The following FMNL1 variants were observed in gnomAD, a reference collection of about 807,000 sequenced individuals.
FMNL1 encodes formin-like protein 1.
In FMNL1, 43 loss-of-function variants were observed where a neutral mutation model predicts 121.3. That is an observed-to-expected ratio of 0.35 (90% CI 0.28 to 0.46). The LOEUF is 0.46. Among genes scored for constraint, FMNL1 ranks in the 20% least tolerant of loss-of-function variants. FMNL1 has a pLI of 1.00. For missense variants in FMNL1, 1,191 were observed against 1,482.4 expected (o/e 0.80, Z 3.23); for synonymous variants, 613 against 613.5 (o/e 1.00, Z 0.01).
intron 2 of FMNL1, among the ~76,000 whole-genome samples, 175 bp downstream of exon 2, chr17:45,230,862 C>T (rs1458799571): frequency 6.6e-6 from 1 of 152,096 alleles, no homozygotes; most frequent in Non-Finnish European, 1.5e-5. Flanking sequence ...CTCCCAAATC[C>T]CTTTCTCTTG....
chr17:45,232,435 T>C lies in FMNL1; in HGVS notation c.282T>C (p.Gly94=), dbSNP rs777431309. 1.0e-4 allele frequency: 163 copies of C among 1,613,930 alleles called. No homozygotes were observed. Among genetic ancestry groups the C allele is most frequent in the Non-Finnish European group, 1.3e-4 (158 of 1,179,958 alleles). ...AGCTGAAGAGCTATGTGGATACTGG[T>C]GGGGTCAGCCGAAAGGTAGCAGCTG... ...IQKLKSYVDT[G]GVSRKVAADW... Residue 94 remains glycine (G), a synonymous_variant, in exon 3 of 27, where the codon GGT becomes GGC. Transcript: ENST00000331495.
Position 45,241,055 on chromosome 17 carries a change from C to T in FMNL1, c.1231-74C>T. 6.4e-7 allele frequency: 1 copy of T among 1,571,916 alleles called. No homozygotes were observed. Among genetic ancestry groups the T allele is most frequent in the Admixed American group, 1.7e-5 (1 of 58,266 alleles). On this transcript the variant is annotated intron_variant, in intron 12 of 26. Transcript: ENST00000331495. This position sits in a 1 kb window ranked among gnomAD's most constrained non-coding sequence, Gnocchi z 7.0. ...TCCCCCAGTCTTCCAGGCAGGCATG[C>T]CTGATGCCGCCCCCTCACCGGCGGT...
intron 2 of FMNL1, 73 bp from the exon 3 acceptor site, chr17:45,232,294 T>G (rs976483413): frequency 1.5e-6 from 2 of 1,378,680 alleles, no homozygotes; most frequent in African/African-American, 2.9e-5. Flanking sequence ...AATGGGACAC[T>G]GGGACGAGAA....
At chr17:45,244,391 G>A (rs1328566162) in intron 19 of FMNL1, 147 bp downstream of exon 19, 12 of 1,083,930 alleles carry the variant, frequency 1.1e-5, no homozygotes, top group African/African-American at 1.6e-5. Flanking sequence ...GGGTGGTGGC[G>A]AGTGGGAAGG....
At chr17:45,246,396 T>C (rs776450233) in intron 25 of FMNL1, 66 bp downstream of exon 25, 1 of 1,613,548 alleles carries the variant, frequency 6.2e-7, no homozygotes. Flanking sequence ...TCTGACCCAA[T>C]GCGCTATCCT....
chr17:45,245,743 T>C lies in FMNL1; in HGVS notation c.2994+10T>C, dbSNP rs1567974285. On this transcript the variant is annotated intron_variant, in intron 23 of 26. Transcript: ENST00000331495. ...CATTAAGGCCTACAAGGTATTCGGG[T>C]CTGGGGCAGGCTGGGAGCCCTGTAG... 1.2e-6 allele frequency: 2 copies of C among 1,613,810 alleles called. No individual in the cohort carries two copies. The highest frequency in any genetic ancestry group is 1.7e-6 in the Non-Finnish European group (2 of 1,179,884).
rs2043483640 is a variant in FMNL1 at position 45,233,474 on chromosome 17, A to C, written c.402-174A>C. On this transcript the variant is annotated intron_variant, in intron 4 of 26. Coordinates refer to ENST00000331495, the MANE Select transcript of FMNL1 (RefSeq NM_005892.4). This position sits in a 1 kb window ranked among gnomAD's most constrained non-coding sequence, Gnocchi z 4.1. ...CCTTCCTGCCCATGCTCTGACTGGCACCTTGAGGCATGGCTGGGCTGTGGG... is the reference window on the plus strand; with the variant it reads ...CCTTCCTGCCCATGCTCTGACTGGCCCCTTGAGGCATGGCTGGGCTGTGGG... Among the ~76,000 whole-genome samples the C allele has an allele frequency of 6.6e-6, 1 of 151,668 alleles. No individual in the cohort carries two copies. Among genetic ancestry groups the C allele is most frequent in the African/African-American group, 2.4e-5 (1 of 41,238 alleles).
At chr17:45,230,529 C>A in intron 1 of FMNL1, 75 bp from the exon 2 acceptor site, 1 of 1,426,986 alleles carries the variant, frequency 7.0e-7, no homozygotes, top group Non-Finnish European at 9.8e-7. Context: ...AAGTGGGTTT[C>A]CCCCAAATGC....
At chr17:45,229,754 G>A (rs2043401085) in intron 1 of FMNL1, among the ~76,000 whole-genome samples, 1 of 152,148 alleles carries the variant, frequency 6.6e-6, no homozygotes, top group African/African-American at 2.4e-5. Context: ...GGTGGCAGGG[G>A]CACCGTACCC....
intron 1 of FMNL1, among the ~76,000 whole-genome samples, chr17:45,226,852 G>A (rs2043339240): frequency 6.6e-6 from 1 of 152,174 alleles, no homozygotes; most frequent in Non-Finnish European, 1.5e-5. Context: ...ACTCTGATGG[G>A]AGAAGCTGTT....
At position 45,237,149 on chromosome 17, in the gene FMNL1, G is replaced by T. The variant is rs1598197576; in HGVS notation, c.724-132G>T. The T allele has an allele frequency of 9.8e-6, 5 of 509,756 alleles. No individual in the cohort carries two copies. Among genetic ancestry groups the T allele is most frequent in the South Asian group, 2.0e-5 (1 of 49,402 alleles). The allele number at this position is 509,756 out of a possible 1,614,324, so 31.6% of individuals were successfully genotyped here. The stretch of plus-strand genomic sequence containing the variant: ...AAAAATAGAAACAAGGCCAGGTTTT[G>T]GTGGCCACAGAAGTTGCGGTTGGAT... On this transcript the variant is annotated intron_variant, in intron 7 of 26. Transcript: ENST00000331495. This position sits in a 1 kb window ranked among gnomAD's most constrained non-coding sequence, Gnocchi z 4.4.
chr17:45,241,903 C>G lies in FMNL1; in HGVS notation c.1642C>G (p.Leu548Val). The change falls in exon 15 of 27, where the codon CTG (leucine) becomes GTG (valine). Residue 548 changes from leucine to valine, a missense_variant. By Grantham distance (32) the Leu-to-Val change is conservative (BLOSUM62 1). Coordinates refer to ENST00000331495, the MANE Select transcript of FMNL1 (RefSeq NM_005892.4). The surrounding 1 kb of genome is among the most constrained non-coding windows in gnomAD (Gnocchi z 7.0). ...AGCAGCGCCACCGCCGCCGCCCCCACTGCCCGGCCTCCCCTCCCCGCAGGA... is the reference window on the plus strand; with the variant it reads ...AGCAGCGCCACCGCCGCCGCCCCCAGTGCCCGGCCTCCCCTCCCCGCAGGA... ...PGAAPPPPPP[L>V]PGLPSPQEAP... 7.1e-7 allele frequency: 1 copy of G among 1,413,736 alleles called. No homozygotes were observed. Among genetic ancestry groups the G allele is most frequent in the Non-Finnish European group, 9.1e-7 (1 of 1,093,032 alleles). The allele number at this position is 1,413,736 out of a possible 1,614,324, so 87.6% of individuals were successfully genotyped here.
intron 11 of FMNL1, 73 bp from the exon 12 acceptor site, chr17:45,240,403 G>T: frequency 6.8e-7 from 1 of 1,468,852 alleles, no homozygotes; most frequent in South Asian, 1.5e-5. Flanking sequence ...AGTGGTGGCA[G>T]GGGGGTGGTT....
intron 1 of FMNL1, among the ~76,000 whole-genome samples, chr17:45,226,184 C>T (rs1029505058): frequency 6.6e-6 from 1 of 152,234 alleles, no homozygotes; most frequent in South Asian, 2.1e-4. Flanking sequence ...CGAAAACTGC[C>T]TGGTGGCCGG....
Position 45,245,078 on chromosome 17 carries a change from G to C in FMNL1, c.2698G>C (p.Asp900His). The stretch of plus-strand genomic sequence containing the variant: ...CCCGCAACTCACAGGCTTCCACAGC[G>C]ACCTGCACTTCCTGGACAAGGCGGG... ...KYPQLTGFHS[D>H]LHFLDKAGSV... Residue 900 changes from aspartate to histidine, a missense_variant, in exon 21 of 27, where the codon GAC becomes CAC. Asp to His is a moderately conservative substitution (Grantham distance 81, BLOSUM62 -1). Coordinates refer to ENST00000331495, the MANE Select transcript of FMNL1 (RefSeq NM_005892.4). The C allele has an allele frequency of 6.2e-7, 1 of 1,614,164 alleles. No homozygotes were observed. Among genetic ancestry groups the C allele is most frequent in the Non-Finnish European group, 8.5e-7 (1 of 1,180,014 alleles).
intron 19 of FMNL1, 123 bp from the exon 20 acceptor site, chr17:45,244,696 A>G: frequency 1.0e-6 from 1 of 964,600 alleles, no homozygotes; most frequent in Non-Finnish European, 1.6e-6. Flanking sequence ...CCTGTGCAGG[A>G]GTACAGTAGG....
intron 23 of FMNL1, 51 bp from the exon 24 acceptor site, chr17:45,245,827 G>C (rs1392874058): frequency 1.2e-6 from 2 of 1,601,674 alleles, no homozygotes; most frequent in African/African-American, 2.7e-5. Flanking sequence ...TTTAGGGGGT[G>C]GGTAGGGCAG....
Position 45,241,097 on chromosome 17 carries a change from G to A in FMNL1, c.1231-32G>A. 3.1e-6 allele frequency: 5 copies of A among 1,612,458 alleles called. No homozygotes were observed. The highest frequency in any genetic ancestry group is 4.2e-6 in the Non-Finnish European group (5 of 1,179,414). ...ACCGGCGGTGCCAGTGCCGGGCTGC[G>A]GGTCGGGGCTCACCATGTGCTGGTG... On this transcript the variant is annotated intron_variant, in intron 12 of 26. Transcript: ENST00000331495. The surrounding 1 kb of genome is among the most constrained non-coding windows in gnomAD (Gnocchi z 7.0).
intron 26 of FMNL1, 95 bp from the exon 27 acceptor site, chr17:45,246,772 C>T (rs1437946566): frequency 2.7e-6 from 2 of 732,680 alleles, no homozygotes; most frequent in Non-Finnish European, 4.7e-6. Context: ...TGCACACAAT[C>T]TGAGTCCTTA....
Sources: allele counts gnomAD v4.1 joint callset (sites outside exome capture counted in the v4.1 genomes callset), GRCh38; gene constraint gnomAD v4.1.1; non-coding constraint Gnocchi (gnomAD v3.1); transcripts MANE v1.5; gene names NCBI Gene and HGNC (gene_info 2026-07-23, HGNC 2026-07-21).